The following GSE1 variants were observed in gnomAD, a reference collection of about 807,000 sequenced individuals.
GSE1 encodes Gse1 coiled-coil protein.
GSE1 carries 32 observed loss-of-function variants against 112.6 expected under a neutral mutation model. The observed-to-expected ratio is 0.28, with a 90% CI of 0.21 to 0.38. GSE1 has a LOEUF of 0.38. Among genes scored for constraint, GSE1 ranks in the 10% least tolerant of loss-of-function variants. The pLI is 1.00. For synonymous variants in GSE1, 1,115 were observed against 735.6 expected, an observed-to-expected ratio of 1.52 and a Z score of -8.35; for missense variants, 2,348 against 1,699.2, an observed-to-expected ratio of 1.38 and a Z score of -6.71.
At chr16:85,652,300 G>T (rs1301574458) in intron 3 of GSE1, among the ~76,000 whole-genome samples, 1 of 152,204 alleles carries the variant, frequency 6.6e-6, no homozygotes, top group Non-Finnish European at 1.5e-5. Flanking sequence ...TTGGCCCCTC[G>T]GCCACTCCCC....
At chr16:85,253,772 G>A (rs1906771318) in intron 1 of GSE1, among the ~76,000 whole-genome samples, 1 of 152,178 alleles carries the variant, frequency 6.6e-6, no homozygotes, top group South Asian at 2.1e-4. Context: ...GCCAGGAGGT[G>A]GGACAGGCTG....
intron 1 of GSE1, among the ~76,000 whole-genome samples, chr16:85,353,305 A>T (rs965120478): frequency 6.6e-6 from 1 of 152,156 alleles, no homozygotes; most frequent in South Asian, 2.1e-4. Context: ...GCTGCTACGC[A>T]CCTTCCTATA....
At chr16:85,602,923 G>A (rs919417726) in intron 1 of GSE1, among the ~76,000 whole-genome samples, 2 of 152,246 alleles carry the variant, frequency 1.3e-5, no homozygotes, top group East Asian at 1.9e-4. Context: ...GGGGCGCTCC[G>A]TGGGCAGCTG....
At chr16:85,332,498 G>C (rs1296956923) in intron 1 of GSE1, among the ~76,000 whole-genome samples, 1 of 152,136 alleles carries the variant, frequency 6.6e-6, no homozygotes, top group African/African-American at 2.4e-5. Context: ...GTCACACAGC[G>C]GGATCCATAG....
intron 1 of GSE1, among the ~76,000 whole-genome samples, chr16:85,198,477 G>A (rs1485828453): frequency 6.6e-6 from 1 of 152,134 alleles, no homozygotes; most frequent in Non-Finnish European, 1.5e-5. Flanking sequence ...ACCTTGCGAT[G>A]GGGGAGACAG....
At chr16:85,537,496 G>A (rs1201796340) in intron 2 of GSE1, among the ~76,000 whole-genome samples, 1 of 152,230 alleles carries the variant, frequency 6.6e-6, no homozygotes, top group Non-Finnish European at 1.5e-5. Flanking sequence ...CCAGGCGCCT[G>A]AAAGCTGGGG....
intron 2 of GSE1, among the ~76,000 whole-genome samples, chr16:85,550,398 G>C (rs1017401917): frequency 6.6e-6 from 1 of 152,214 alleles, no homozygotes; most frequent in Non-Finnish European, 1.5e-5. Context: ...TCCAGGAAAA[G>C]TGCTTAGAAC....
chr16:85,266,258 C>G lies in GSE1; in HGVS notation c.2284-91205C>G, dbSNP rs184516392. Among the ~76,000 whole-genome samples the G allele has an allele frequency of 8.8e-3, 1,339 of 152,254 alleles. 16 individuals carry two copies. Among genetic ancestry groups the G allele is most frequent in the Non-Finnish European group, 9.8e-3 (663 of 67,988 alleles). ...CGGGCGAGACTGCTGGGCATGCGTC[C>G]TCTCTCTCTAGGAAAACTCTAGCAA... On this transcript the variant is annotated intron_variant, in intron 1 of 2. Coordinates refer to the GSE1 transcript ENST00000637419.
chr16:85,243,918 G>C (rs1274588056), intron 1 of GSE1, among the ~76,000 whole-genome samples: 2 of 152,210 alleles, frequency 1.3e-5, no homozygotes, highest in Admixed American at 6.5e-5. Flanking sequence ...CCTGAAGTCA[G>C]GAGTTTGAGA....
chr16:85,589,696 ATAT>A (rs564073841), intron 1 of GSE1, among the ~76,000 whole-genome samples: 11 of 152,130 alleles, frequency 7.2e-5, no homozygotes, highest in South Asian at 4.2e-4. Flanking sequence ...TGAACGTGAG[ATAT>A]TGTGTGTGTG....
chr16:85,573,824 T>C (rs1293632573), intron 1 of GSE1, among the ~76,000 whole-genome samples: 1 of 152,208 alleles, frequency 6.6e-6, no homozygotes, highest in Non-Finnish European at 1.5e-5. Context: ...GTGTCCTCCC[T>C]GTGTTTCTGG....
intron 1 of GSE1, among the ~76,000 whole-genome samples, chr16:85,279,849 C>T (rs1472865095): frequency 1.3e-5 from 2 of 152,164 alleles, no homozygotes; most frequent in Non-Finnish European, 2.9e-5. Flanking sequence ...TTTCAAGAGC[C>T]GCCCATTTCC....
chr16:85,316,967 C>G (rs905561137), intron 1 of GSE1, among the ~76,000 whole-genome samples: 1 of 152,210 alleles, frequency 6.6e-6, no homozygotes, highest in Non-Finnish European at 1.5e-5. Context: ...GAACCCACCT[C>G]TGTTGGGGGT....
intron 2 of GSE1, among the ~76,000 whole-genome samples, chr16:85,407,365 GC>G (rs1328306503): frequency 1.4e-4 from 2 of 14,372 alleles, no homozygotes; most frequent in Non-Finnish European, 2.2e-4. Flanking sequence ...TACACTCAGG[GC>G]CCCCCCGGAT....
At chr16:85,613,779 C>A (rs976987001) in intron 1 of GSE1, among the ~76,000 whole-genome samples, 29 of 142,498 alleles carry the variant, frequency 2.0e-4, no homozygotes, top group Admixed American at 5.1e-4. Flanking sequence ...GAAAACTTTG[C>A]GGCGACGCGG....
At chr16:85,228,911 C>T (rs1447166593) in intron 1 of GSE1, among the ~76,000 whole-genome samples, 1 of 152,224 alleles carries the variant, frequency 6.6e-6, no homozygotes, top group African/African-American at 2.4e-5. Flanking sequence ...AAAACATACC[C>T]GAAGGAGTTA....
chr16:85,350,091 G>T (rs2046823655), intron 1 of GSE1, among the ~76,000 whole-genome samples: 1 of 152,212 alleles, frequency 6.6e-6, no homozygotes, highest in African/African-American at 2.4e-5. Flanking sequence ...AGGTGGGGTT[G>T]CTGGGATGAT....
intron 1 of GSE1, among the ~76,000 whole-genome samples, chr16:85,309,754 C>T (rs886665413): frequency 9.8e-5 from 15 of 152,318 alleles, no homozygotes; most frequent in East Asian, 5.8e-4. Flanking sequence ...CAGAGCCGAG[C>T]GGCAGGCTGA....
chr16:85,553,178 G>C (rs953964930), upstream of GSE1, among the ~76,000 whole-genome samples: 1 of 151,558 alleles, frequency 6.6e-6, no homozygotes, highest in African/African-American at 2.4e-5. Flanking sequence ...GCAGCTCGCG[G>C]GTGATAAATG....
Sources: gnomAD v4.1 joint callset for allele counts (sites outside exome capture counted in the v4.1 genomes callset) on GRCh38, gnomAD v4.1.1 for gene constraint, MANE v1.5 for transcripts, NCBI Gene and HGNC (gene_info 2026-07-23, HGNC 2026-07-21) for gene names.